The following IQSEC1 variants were observed in gnomAD, a reference collection of about 807,000 sequenced individuals.
IQSEC1 encodes IQ motif and Sec7 domain ArfGEF 1.
Under a neutral mutation model 91.0 loss-of-function variants are expected in IQSEC1, and 31 were observed. The observed-to-expected ratio is 0.34, with a 90% CI of 0.26 to 0.46. IQSEC1 has a LOEUF of 0.46. Ranked by LOEUF, IQSEC1 falls within the 20% of genes least tolerant of loss-of-function variation. IQSEC1 has a pLI of 1.00. For synonymous variants in IQSEC1, 699 were observed against 662.6 expected (o/e 1.05, Z -0.84); for missense variants, 1,388 against 1,575.6 (o/e 0.88, Z 2.02).
chr3:13,198,682 T>A (rs2125045190), intron 1 of IQSEC1, among the ~76,000 whole-genome samples: 1 of 152,310 alleles, frequency 6.6e-6, no homozygotes, highest in Admixed American at 6.5e-5. Flanking sequence ...TGCGTCCTCT[T>A]ACACACCATG....
In IQSEC1 at chr3:13,214,861, C is replaced by T. The variant is rs1403882245; in HGVS notation, c.273-50728G>A. Among the ~76,000 whole-genome samples the T allele has an allele frequency of 2.6e-5, 4 of 152,226 alleles. No homozygotes were observed. The highest frequency in any genetic ancestry group is 4.1e-4 in the South Asian group (2 of 4,836). On this transcript the variant is annotated intron_variant, in intron 1 of 15. Coordinates refer to the IQSEC1 transcript ENST00000648114. The surrounding 1 kb of genome is among the most constrained non-coding windows in gnomAD (Gnocchi z 4.5). ...GCAGGTCCCAGTGTTTGCAGCTGAGCGCCAGGACCGACGTCGGGCTCTGCT... is the reference window on the plus strand; with the variant it reads ...GCAGGTCCCAGTGTTTGCAGCTGAGTGCCAGGACCGACGTCGGGCTCTGCT...
At chr3:13,096,988 G>A (rs572201108) in intron 2 of IQSEC1, among the ~76,000 whole-genome samples, 2 of 151,924 alleles carry the variant, frequency 1.3e-5, no homozygotes, top group African/African-American at 4.8e-5. Context: ...AGCCTCCCAA[G>A]TAGCTGGGAC....
At chr3:13,204,355 G>C (rs1218145858) in intron 1 of IQSEC1, among the ~76,000 whole-genome samples, 2 of 152,256 alleles carry the variant, frequency 1.3e-5, no homozygotes, top group South Asian at 2.1e-4. Flanking sequence ...ACGGAGAAAC[G>C]GAGAAGAGTC....
chr3:13,083,383 T>A (rs1190554314), intron 2 of IQSEC1, among the ~76,000 whole-genome samples: 1 of 151,948 alleles, frequency 6.6e-6, no homozygotes, highest in East Asian at 1.9e-4. Flanking sequence ...AACCGTGGAG[T>A]CAAGAAGACG....
intron 3 of IQSEC1, among the ~76,000 whole-genome samples, chr3:12,933,536 C>T (rs1370468074): frequency 6.6e-6 from 1 of 152,384 alleles, no homozygotes; most frequent in South Asian, 2.1e-4. Context: ...TTCAGCACTT[C>T]ACACAGACCA....
intron 12 of IQSEC1, among the ~76,000 whole-genome samples, chr3:12,905,648 A>G (rs1244620332): frequency 6.6e-6 from 1 of 152,222 alleles, no homozygotes; most frequent in Non-Finnish European, 1.5e-5. Context: ...GGCCAGGGCA[A>G]GAGGAAGCAC....
chr3:12,899,446 G>T lies in IQSEC1; in HGVS notation c.*1537C>A. 1 of 1,608,274 alleles carries T rather than the reference G, an allele frequency of 6.2e-7. No homozygotes were observed. The highest frequency in any genetic ancestry group is 8.5e-7 in the Non-Finnish European group (1 of 1,177,962). ...TCGAAAGGCTGAAACTACAAAGTAT[G>T]GCCCGTGGGTGACTCGGGCACAGAC... On this transcript the variant is annotated 3_prime_UTR_variant, in exon 14 of 14. Coordinates refer to ENST00000613206, the MANE Select transcript of IQSEC1 (RefSeq NM_001134382.3).
intron 1 of IQSEC1, among the ~76,000 whole-genome samples, chr3:13,210,353 G>C (rs564765534): frequency 1.3e-4 from 20 of 152,068 alleles, no homozygotes; most frequent in Non-Finnish European, 2.5e-4. Context: ...ATCTAGCCCC[G>C]CACACTCATT....
intron 1 of IQSEC1, among the ~76,000 whole-genome samples, chr3:13,276,157 C>T (rs537644241): frequency 1.6e-5 from 2 of 124,328 alleles, no homozygotes; most frequent in South Asian, 2.8e-4. Flanking sequence ...GGCGTGATCT[C>T]GGCTCACTGC....
chr3:13,067,258 G>A (rs1011543854), intron 1 of IQSEC1, among the ~76,000 whole-genome samples: 21 of 152,216 alleles, frequency 1.4e-4, no homozygotes, highest in African/African-American at 4.8e-4. Context: ...TGGAAAGAGC[G>A]GGAAGGGCAG....
Position 12,966,348 on chromosome 3 carries a change from A to G in IQSEC1, c.24-24483T>C, listed in dbSNP as rs184272767. On this transcript the variant is annotated intron_variant, in intron 1 of 13. Transcript: ENST00000613206. Reference sequence around the variant, plus strand: ...GCAACTGCTGGACATGCGCTGCACAATTTTTGAACTGAAAGATCAAACAGC... The same window carrying G: ...GCAACTGCTGGACATGCGCTGCACAGTTTTTGAACTGAAAGATCAAACAGC... Among the ~76,000 whole-genome samples, 371 of 152,280 alleles carry G rather than the reference A, an allele frequency of 2.4e-3. 1 individual carries two copies. Among genetic ancestry groups the G allele is most frequent in the African/African-American group, 8.2e-3 (340 of 41,532 alleles).
intron 1 of IQSEC1, among the ~76,000 whole-genome samples, chr3:13,178,741 A>C (rs114000789): frequency 0.033 from 4,999 of 152,350 alleles, 266 homozygotes; most frequent in African/African-American, 0.11. Context: ...AGAATCTGCT[A>C]AAATTAATGA....
chr3:13,026,704 C>T (rs1005448682), intron 1 of IQSEC1, among the ~76,000 whole-genome samples: 73 of 152,178 alleles, frequency 4.8e-4, no homozygotes, highest in Non-Finnish European at 9.6e-4. Context: ...CCTCTCCGTT[C>T]CCTGAGCCTG....
intron 2 of IQSEC1, among the ~76,000 whole-genome samples, chr3:13,095,772 G>C (rs77143768): frequency 7.9e-5 from 12 of 152,316 alleles, no homozygotes; most frequent in Non-Finnish European, 1.3e-4. Flanking sequence ...GACAATGGAG[G>C]CTGATTGGCA....
intron 2 of IQSEC1, among the ~76,000 whole-genome samples, chr3:13,152,623 C>G (rs1232859753): frequency 1.3e-5 from 2 of 152,200 alleles, no homozygotes; most frequent in Admixed American, 1.3e-4. Flanking sequence ...ATAATCCCAG[C>G]ACTTTGGGAG....
At chr3:13,084,401 G>A (rs1469315427) in intron 2 of IQSEC1, among the ~76,000 whole-genome samples, 2 of 152,292 alleles carry the variant, frequency 1.3e-5, no homozygotes, top group Middle Eastern at 3.4e-3. Flanking sequence ...ATCCCAGGGG[G>A]TAGCCTGTTC....
intron 1 of IQSEC1, among the ~76,000 whole-genome samples, chr3:13,253,066 G>C (rs563596461): frequency 6.6e-6 from 1 of 152,184 alleles, no homozygotes; most frequent in Non-Finnish European, 1.5e-5. Flanking sequence ...TAGCCACCCT[G>C]GTGGGTGTGA....
chr3:13,053,104 A>T, intron 1 of IQSEC1: 1 of 920,642 alleles, frequency 1.1e-6, no homozygotes, highest in East Asian at 2.4e-5. Flanking sequence ...TTACTCCTGA[A>T]AGTCTTGTGA....
chr3:13,227,639 G>C (rs1694779357), intron 1 of IQSEC1, among the ~76,000 whole-genome samples: 1 of 152,034 alleles, frequency 6.6e-6, no homozygotes, highest in Admixed American at 6.5e-5. Flanking sequence ...CAGAGCAGGG[G>C]GACCGTTCTT....
Sources: allele counts gnomAD v4.1 joint callset (sites outside exome capture counted in the v4.1 genomes callset), GRCh38; gene constraint gnomAD v4.1.1; non-coding constraint Gnocchi (gnomAD v3.1); transcripts MANE v1.5; gene names NCBI Gene and HGNC (gene_info 2026-07-23, HGNC 2026-07-21).